The following CDK8 variants were observed in gnomAD, a reference collection of about 807,000 sequenced individuals.
The protein encoded by CDK8 is cyclin-dependent kinase 8.
A neutral mutation model predicts 71.5 loss-of-function variants in CDK8; 29 were observed. That is an observed-to-expected ratio of 0.41 (90% CI 0.30 to 0.55). The LOEUF (loss-of-function observed/expected upper bound fraction) is 0.55, where lower values mean the gene tolerates loss of function less well. Among genes scored for constraint, CDK8 ranks in the 20% least tolerant of loss-of-function variants. The pLI is 0.37. For synonymous variants in CDK8, 161 were observed against 192.1 expected, an observed-to-expected ratio of 0.84 and a Z score of 1.34; for missense variants, 288 against 572.6, an observed-to-expected ratio of 0.50 and a Z score of 5.07.
intron 1 of CDK8, among the ~76,000 whole-genome samples, chr13:26,278,967 G>T (rs942548197): frequency 6.6e-6 from 1 of 152,102 alleles, no homozygotes; most frequent in Non-Finnish European, 1.5e-5. Flanking sequence ...TATATGAGAT[G>T]GTGTGTGTAG....
At chr13:26,362,980 A>G (rs996858126) in intron 4 of CDK8, among the ~76,000 whole-genome samples, 1 of 135,202 alleles carries the variant, frequency 7.4e-6, no homozygotes, top group African/African-American at 2.7e-5. Flanking sequence ...ATATACTATA[A>G]CTTTTCATTG....
intron 4 of CDK8, among the ~76,000 whole-genome samples, chr13:26,380,652 A>T (rs1446186325): frequency 6.6e-6 from 1 of 151,810 alleles, no homozygotes; most frequent in Non-Finnish European, 1.5e-5. Context: ...AAAAAAAAAA[A>T]ATTTTTTTTG....
intron 4 of CDK8, among the ~76,000 whole-genome samples, chr13:26,374,169 C>G (rs1454416645): frequency 6.6e-6 from 1 of 151,922 alleles, no homozygotes; most frequent in East Asian, 1.9e-4. Flanking sequence ...CGACTGCACT[C>G]CAGCCTGGAC....
chr13:26,383,006 T>C, intron 5 of CDK8, 135 bp downstream of exon 5: 1 of 506,510 alleles, frequency 2.0e-6, no homozygotes, highest in Non-Finnish European at 3.4e-6. Flanking sequence ...TTCTAAAGAG[T>C]ATGCATAAAA....
intron 1 of CDK8, among the ~76,000 whole-genome samples, chr13:26,312,904 C>G (rs140132215): frequency 2.0e-5 from 3 of 152,336 alleles, no homozygotes; most frequent in African/African-American, 7.2e-5. Flanking sequence ...TCAGATGTCA[C>G]TCATGTACAG....
chr13:26,361,109 T>A (rs1481395417), intron 4 of CDK8, among the ~76,000 whole-genome samples: 1 of 152,226 alleles, frequency 6.6e-6, no homozygotes, highest in Non-Finnish European at 1.5e-5. Context: ...TTTTCTCAAA[T>A]TTTTTCTTTA....
At chr13:26,261,349 T>C (rs1045931030) in intron 1 of CDK8, among the ~76,000 whole-genome samples, 3 of 152,214 alleles carry the variant, frequency 2.0e-5, no homozygotes, top group African/African-American at 7.2e-5. Flanking sequence ...TTTAAAAGTA[T>C]GTGATCAGTA....
intron 1 of CDK8, among the ~76,000 whole-genome samples, chr13:26,294,998 G>A (rs1344489796): frequency 1.3e-5 from 2 of 152,026 alleles, no homozygotes; most frequent in Non-Finnish European, 2.9e-5. Flanking sequence ...TCTGCCCCTC[G>A]GCCTCCCAAA....
chr13:26,271,739 G>T (rs1166306049), intron 1 of CDK8, among the ~76,000 whole-genome samples: 4 of 149,660 alleles, frequency 2.7e-5, no homozygotes, highest in Non-Finnish European at 4.4e-5. Context: ...GAGTCCAGGA[G>T]CTTGAGGCGG....
chr13:26,367,694 C>G (rs1874455675), intron 4 of CDK8, among the ~76,000 whole-genome samples: 1 of 152,192 alleles, frequency 6.6e-6, no homozygotes, highest in Admixed American at 6.6e-5. Context: ...GCTATATCAT[C>G]ACTATCCAGA....
At chr13:26,268,669 A>C (rs1420476474) in intron 1 of CDK8, among the ~76,000 whole-genome samples, 1 of 151,864 alleles carries the variant, frequency 6.6e-6, no homozygotes, top group Non-Finnish European at 1.5e-5. Context: ...ATTAAAAAAA[A>C]CTCGAGAGCC....
At chr13:26,370,574 C>G (rs546692308) in intron 4 of CDK8, among the ~76,000 whole-genome samples, 110 of 152,332 alleles carry the variant, frequency 7.2e-4, no homozygotes, top group African/African-American at 2.5e-3. Flanking sequence ...TTCCAATATT[C>G]TAGCACCACT....
chr13:26,281,442 C>G (rs1034081257), intron 1 of CDK8, among the ~76,000 whole-genome samples: 2 of 152,226 alleles, frequency 1.3e-5, no homozygotes, highest in Non-Finnish European at 2.9e-5. Flanking sequence ...GAGTGCATCA[C>G]ATCAAGGGAC....
At chr13:26,402,080 G>A (rs1474531875) in intron 12 of CDK8, among the ~76,000 whole-genome samples, 1 of 152,212 alleles carries the variant, frequency 6.6e-6, no homozygotes, top group Non-Finnish European at 1.5e-5. Flanking sequence ...GTATCCTTGA[G>A]TAAGTGATTC....
intron 4 of CDK8, among the ~76,000 whole-genome samples, chr13:26,377,207 A>G (rs1013009939): frequency 6.6e-6 from 1 of 152,234 alleles, no homozygotes; most frequent in African/African-American, 2.4e-5. Flanking sequence ...ATCCCCCAAC[A>G]GGGGGTGCAG....
At chr13:26,398,551 G>A (rs1258833199) in intron 9 of CDK8, among the ~76,000 whole-genome samples, 1 of 151,892 alleles carries the variant, frequency 6.6e-6, no homozygotes, top group African/African-American at 2.4e-5. Flanking sequence ...AAAACTGTTG[G>A]GTATTTTCAA....
At chr13:26,304,342 G>A (rs940818158) in intron 1 of CDK8, among the ~76,000 whole-genome samples, 75 of 151,132 alleles carry the variant, frequency 5.0e-4, no homozygotes, top group African/African-American at 1.7e-3. Flanking sequence ...TAAAAATCAA[G>A]CCTAACAAAC....
At chr13:26,322,367 A>G (rs1874815589) in intron 1 of CDK8, among the ~76,000 whole-genome samples, 1 of 152,170 alleles carries the variant, frequency 6.6e-6, no homozygotes, top group Admixed American at 6.6e-5. Flanking sequence ...CTGGCTGCTG[A>G]TGCTCCCATT....
At chr13:26,390,696 G>A (rs1875706508) in intron 6 of CDK8, among the ~76,000 whole-genome samples, 1 of 152,120 alleles carries the variant, frequency 6.6e-6, no homozygotes, top group Admixed American at 6.5e-5. Flanking sequence ...TGCTAAGTGG[G>A]AAATACACAT....
Sources: gnomAD v4.1 joint callset for allele counts (sites outside exome capture counted in the v4.1 genomes callset) on GRCh38, gnomAD v4.1.1 for gene constraint, MANE v1.5 for transcripts, NCBI Gene and HGNC (gene_info 2026-07-23, HGNC 2026-07-21) for gene names.